GALNT13: variants seen among roughly 807,000 people sequenced by gnomAD.
The protein encoded by GALNT13 is UDP-GalNAc:polypeptide N-acetylgalactosaminyltransferase 13.
A neutral mutation model predicts 64.2 loss-of-function variants in GALNT13; 28 were observed. The ratio of observed to expected loss-of-function variants is 0.44; its 90% CI spans 0.32 to 0.60. The LOEUF (loss-of-function observed/expected upper bound fraction) is 0.60, where lower values mean the gene tolerates loss of function less well. Ranked by LOEUF, GALNT13 falls within the 20% of genes least tolerant of loss-of-function variation. The probability of loss-of-function intolerance (pLI) is 0.05; values close to 1 mark genes in which losing one functional copy is unlikely to be tolerated. For synonymous variants in GALNT13, 214 were observed against 224.6 expected, an observed-to-expected ratio of 0.95 and a Z score of 0.42; for missense variants, 577 against 669.8, an observed-to-expected ratio of 0.86 and a Z score of 1.53.
intron 3 of GALNT13, among the ~76,000 whole-genome samples, chr2:154,109,562 G>A (rs144958040): frequency 6.6e-6 from 1 of 151,914 alleles, no homozygotes; most frequent in African/African-American, 2.4e-5. Flanking sequence ...AGATCTCAGA[G>A]GAAGGACTTC....
the GALNT13 span, among the ~76,000 whole-genome samples, chr2:153,678,719 G>C: frequency 6.6e-6 from 1 of 152,016 alleles, no homozygotes; most frequent in African/African-American, 2.4e-5. Context: ...GACTTGCGTT[G>C]TGTCAAGTGG....
the GALNT13 span, among the ~76,000 whole-genome samples, chr2:153,805,176 T>C: frequency 6.6e-6 from 1 of 151,876 alleles, no homozygotes. Context: ...TGAGAACAAT[T>C]GGTAGTCAAA....
At chr2:153,620,851 T>C in the GALNT13 span, among the ~76,000 whole-genome samples, 1 of 152,024 alleles carries the variant, frequency 6.6e-6, no homozygotes, top group Non-Finnish European at 1.5e-5. Flanking sequence ...CTTTGAAGAA[T>C]TAGGCACTTA....
chr2:154,226,661 A>G (rs1160298193), intron 4 of GALNT13, among the ~76,000 whole-genome samples: 1 of 152,116 alleles, frequency 6.6e-6, no homozygotes, highest in Non-Finnish European at 1.5e-5. Context: ...TAGGTAAAAC[A>G]ACATGATTTC....
the GALNT13 span, among the ~76,000 whole-genome samples, chr2:153,394,677 C>G: frequency 9.9e-5 from 15 of 152,120 alleles, no homozygotes; most frequent in African/African-American, 3.4e-4. Context: ...AAGATAGGTA[C>G]TGCCATGTTA....
chr2:154,093,868 C>G (rs1241357689), intron 3 of GALNT13, among the ~76,000 whole-genome samples: 10 of 151,530 alleles, frequency 6.6e-5, no homozygotes, highest in Non-Finnish European at 1.2e-4. Flanking sequence ...TATTCTCCCT[C>G]CTTCCCATCC....
At chr2:153,264,550 A>G in the GALNT13 span, among the ~76,000 whole-genome samples, 2 of 152,244 alleles carry the variant, frequency 1.3e-5, no homozygotes, top group Non-Finnish European at 1.5e-5. Context: ...ATGCCCATCA[A>G]TGATAGACTG....
At chr2:153,130,185 C>G in the GALNT13 span, among the ~76,000 whole-genome samples, 21 of 152,208 alleles carry the variant, frequency 1.4e-4, no homozygotes, top group African/African-American at 5.1e-4. Context: ...ATCATCATCT[C>G]TTGTTACAGA....
the GALNT13 span, among the ~76,000 whole-genome samples, chr2:153,830,131 T>A: frequency 6.6e-6 from 1 of 152,134 alleles, no homozygotes; most frequent in Non-Finnish European, 1.5e-5. Context: ...AGAAACATTA[T>A]TTTGTATTTT....
At chr2:153,557,231 C>T in the GALNT13 span, among the ~76,000 whole-genome samples, 1 of 152,102 alleles carries the variant, frequency 6.6e-6, no homozygotes, top group African/African-American at 2.4e-5. Context: ...AGTACAGTAA[C>T]ATGTTGTACA....
chr2:154,362,799 G>C (rs1697150543), intron 9 of GALNT13, among the ~76,000 whole-genome samples: 1 of 152,082 alleles, frequency 6.6e-6, no homozygotes, highest in African/African-American at 2.4e-5. Flanking sequence ...TTGCATTAAG[G>C]AAGAAATTTT....
the GALNT13 span, among the ~76,000 whole-genome samples, chr2:153,439,522 G>T: frequency 6.6e-6 from 1 of 152,140 alleles, no homozygotes; most frequent in African/African-American, 2.4e-5. Flanking sequence ...GCAATAGCAG[G>T]TGCCCCTCCC....
At chr2:153,293,235 G>T in the GALNT13 span, among the ~76,000 whole-genome samples, 1 of 152,022 alleles carries the variant, frequency 6.6e-6, no homozygotes, top group Non-Finnish European at 1.5e-5. Context: ...ACTTCATATG[G>T]CAAAGTGCAC....
At chr2:153,754,560 G>A in the GALNT13 span, among the ~76,000 whole-genome samples, 1 of 152,078 alleles carries the variant, frequency 6.6e-6, no homozygotes, top group African/African-American at 2.4e-5. Flanking sequence ...TATCCAAAGT[G>A]CAAGACAGTC....
chr2:153,971,897 C>T (rs1693766988), intron 3 of GALNT13, among the ~76,000 whole-genome samples: 1 of 151,918 alleles, frequency 6.6e-6, no homozygotes, highest in African/African-American at 2.4e-5. Flanking sequence ...TGTAATTAGT[C>T]AAGGATTGAG....
At chr2:154,037,588 G>A (rs1698735341) in intron 3 of GALNT13, among the ~76,000 whole-genome samples, 1 of 152,042 alleles carries the variant, frequency 6.6e-6, no homozygotes. Context: ...CACATGACAT[G>A]ATATTAGATA....
the GALNT13 span, among the ~76,000 whole-genome samples, chr2:153,413,893 TG>T: frequency 6.6e-6 from 1 of 152,168 alleles, no homozygotes; most frequent in South Asian, 2.1e-4. Flanking sequence ...TACCCACAAT[TG>T]ATTCAGAATG....
chr2:154,152,302 T>A (rs1684089223), intron 4 of GALNT13, among the ~76,000 whole-genome samples: 1 of 152,130 alleles, frequency 6.6e-6, no homozygotes, highest in African/African-American at 2.4e-5. Context: ...AGAGATCCGC[T>A]GTTAGTCTGA....
intron 1 of GALNT13, among the ~76,000 whole-genome samples, chr2:153,877,640 AT>A: frequency 7.7e-6 from 1 of 129,084 alleles, no homozygotes; most frequent in African/African-American, 3.6e-5. Context: ...TCCTCTTGAG[AT>A]TATTATTATA....
Sources: gnomAD v4.1 joint callset for allele counts (sites outside exome capture counted in the v4.1 genomes callset) on GRCh38, gnomAD v4.1.1 for gene constraint, MANE v1.5 for transcripts, NCBI Gene and HGNC (gene_info 2026-07-23, HGNC 2026-07-21) for gene names.